VAV3: variants seen among roughly 807,000 people sequenced by gnomAD.
VAV3 encodes guanine nucleotide exchange factor VAV3.
VAV3 carries 94 observed loss-of-function variants against 131.2 expected under a neutral mutation model. That is an observed-to-expected ratio of 0.72 (90% CI 0.61 to 0.85). VAV3 has a LOEUF of 0.85. VAV3 is among the 40% of genes least tolerant of loss of function. The probability of loss-of-function intolerance (pLI) is 0.00; values close to 1 mark genes in which losing one functional copy is unlikely to be tolerated. For synonymous variants in VAV3, 349 were observed against 342.0 expected, an observed-to-expected ratio of 1.02 and a Z score of -0.22; for missense variants, 939 against 1,002.7, an observed-to-expected ratio of 0.94 and a Z score of 0.86.
chr1:107,660,330 T>G (rs896402215), intron 19 of VAV3, among the ~76,000 whole-genome samples: 2 of 152,230 alleles, frequency 1.3e-5, no homozygotes, highest in African/African-American at 4.8e-5. Flanking sequence ...AGTTATATAA[T>G]TGTTATTTTC....
chr1:107,756,774 A>G (rs193072440), intron 11 of VAV3, among the ~76,000 whole-genome samples: 1 of 152,246 alleles, frequency 6.6e-6, no homozygotes, highest in African/African-American at 2.4e-5. Flanking sequence ...ATGAAGCCAT[A>G]GCATCCACAA....
intron 19 of VAV3, among the ~76,000 whole-genome samples, chr1:107,655,862 T>C (rs1220816837): frequency 6.6e-6 from 1 of 152,080 alleles, no homozygotes; most frequent in Non-Finnish European, 1.5e-5. Context: ...TCAATATCAA[T>C]AACCATCAGG....
chr1:107,592,653 A>G (rs143785163), intron 25 of VAV3, among the ~76,000 whole-genome samples: 5 of 152,220 alleles, frequency 3.3e-5, no homozygotes, highest in African/African-American at 1.2e-4. Flanking sequence ...ATGCAAACAA[A>G]GGAAAAAACC....
chr1:107,768,495 T>C lies in VAV3; in HGVS notation c.663A>G (p.Pro221=). ...CTGCTGCTGTCAGAAATCTTTTTAG[T>C]GGTGCCATGAAATACTACCAGGAAA... is the stretch of plus-strand genomic sequence containing the variant. ...LESIEKYFMA[P]LKRFLTAAEF... The change falls in exon 7 of 27, where the codon CCA becomes CCG. Residue 221 remains proline, a synonymous_variant. Transcript: ENST00000370056. 1 of 1,612,476 alleles carries C rather than the reference T, an allele frequency of 6.2e-7. No homozygotes were observed.
chr1:107,900,094 A>C (rs1205988524), intron 1 of VAV3, among the ~76,000 whole-genome samples: 1 of 152,204 alleles, frequency 6.6e-6, no homozygotes, highest in South Asian at 2.1e-4. Context: ...ATCCTGCACT[A>C]AACACATTAC....
intron 12 of VAV3, among the ~76,000 whole-genome samples, chr1:107,753,561 C>CACACACACA (rs534112081): frequency 3.7e-5 from 3 of 81,550 alleles, no homozygotes; most frequent in Non-Finnish European, 5.4e-5. Flanking sequence ...CACACACACA[C>CACACACACA]TTTTTTTTTT....
chr1:107,610,787 G>A (rs1652666772), intron 21 of VAV3, among the ~76,000 whole-genome samples: 1 of 152,118 alleles, frequency 6.6e-6, no homozygotes. Context: ...TCTATAGAGA[G>A]GGTTACTTTA....
At chr1:107,820,584 T>G (rs1255634903) in intron 2 of VAV3, among the ~76,000 whole-genome samples, 3 of 152,224 alleles carry the variant, frequency 2.0e-5, no homozygotes, top group Non-Finnish European at 4.4e-5. Context: ...TAAAAATTCA[T>G]CGTACATTTA....
chr1:107,619,253 A>G (rs1179793174), intron 20 of VAV3, among the ~76,000 whole-genome samples: 1 of 152,224 alleles, frequency 6.6e-6, no homozygotes, highest in African/African-American at 2.4e-5. Context: ...GAAAAAATGT[A>G]GAGAGAAGAT....
chr1:107,580,091 C>G (rs540804479), intron 25 of VAV3, among the ~76,000 whole-genome samples: 3 of 152,304 alleles, frequency 2.0e-5, no homozygotes, highest in African/African-American at 7.2e-5. Context: ...ACTGTACGTT[C>G]TGTGTTGTAT....
At chr1:107,681,753 A>C (rs1049733523) in intron 19 of VAV3, among the ~76,000 whole-genome samples, 6 of 150,414 alleles carry the variant, frequency 4.0e-5, no homozygotes, top group African/African-American at 4.9e-5. Context: ...TCCCGGGCTC[A>C]CGCCATTCTC....
At chr1:107,714,026 A>T in intron 15 of VAV3, among the ~76,000 whole-genome samples, 1 of 152,110 alleles carries the variant, frequency 6.6e-6, no homozygotes, top group Non-Finnish European at 1.5e-5. Flanking sequence ...AATTTCGAAA[A>T]CAAAAAGCTA....
chr1:107,641,547 T>C (rs908105174), intron 20 of VAV3, among the ~76,000 whole-genome samples: 1 of 152,166 alleles, frequency 6.6e-6, no homozygotes, highest in African/African-American at 2.4e-5. Flanking sequence ...AAAAAAAGTT[T>C]CAACCAAATA....
intron 20 of VAV3, among the ~76,000 whole-genome samples, chr1:107,621,612 T>C (rs1331339308): frequency 1.3e-5 from 2 of 152,158 alleles, no homozygotes; most frequent in Non-Finnish European, 1.5e-5. Context: ...CTAACCTTGG[T>C]GAGAGACATG....
In VAV3 at chr1:107,790,679, CTTTTTTTT is replaced by C. The variant is rs145926469; in HGVS notation, c.322-11195_322-11188del. On this transcript the variant is annotated intron_variant, in intron 2 of 26. Coordinates refer to ENST00000370056, the MANE Select transcript of VAV3 (RefSeq NM_006113.5). Reference sequence around the variant, plus strand: ...CATCACTCCTTCCTTAAATGTCTTCCTTTTTTTTTTTTTTTTTTTTTTTTTTGAGACAG... The same window carrying C: ...CATCACTCCTTCCTTAAATGTCTTCCTTTTTTTTTTTTTTTTTTGAGACAG... Among the ~76,000 whole-genome samples, 9 of 69,820 alleles carry C rather than the reference CTTTTTTTT, an allele frequency of 1.3e-4. 1 individual carries two copies. The highest frequency in any genetic ancestry group is 2.9e-4 in the African/African-American group (5 of 17,278). 45.8% of individuals were successfully genotyped at this position (69,820 alleles called of 152,430 possible). A position where few individuals can be genotyped will look rare whatever the true frequency, so the allele number is the denominator to read the frequency against.
At chr1:107,661,897 C>T (rs1327026824) in intron 19 of VAV3, among the ~76,000 whole-genome samples, 2 of 152,090 alleles carry the variant, frequency 1.3e-5, no homozygotes, top group African/African-American at 2.4e-5. Flanking sequence ...ACCGAATTTC[C>T]CTACCTACCA....
At chr1:107,625,060 T>G (rs2101311030) in intron 20 of VAV3, among the ~76,000 whole-genome samples, 1 of 152,242 alleles carries the variant, frequency 6.6e-6, no homozygotes, top group Non-Finnish European at 1.5e-5. Flanking sequence ...CCTTCTTGGC[T>G]TCATTATCCT....
chr1:107,785,505 C>A, intron 2 of VAV3: 1 of 1,316,260 alleles, frequency 7.6e-7, no homozygotes, highest in Non-Finnish European at 1.0e-6. Context: ...ATGCTAGAGC[C>A]CCAAATGCAA....
intron 15 of VAV3, among the ~76,000 whole-genome samples, chr1:107,731,923 T>C (rs1339803659): frequency 6.6e-6 from 1 of 152,230 alleles, no homozygotes; most frequent in Non-Finnish European, 1.5e-5. Context: ...TTCTAAATTA[T>C]ATATTGGTGT....
Sources: gnomAD v4.1 joint callset for allele counts (sites outside exome capture counted in the v4.1 genomes callset) on GRCh38, gnomAD v4.1.1 for gene constraint, MANE v1.5 for transcripts, NCBI Gene and HGNC (gene_info 2026-07-23, HGNC 2026-07-21) for gene names.